Variants in ZFHX3 observed in about 807,000 individuals in gnomAD.
The protein encoded by ZFHX3 is zinc finger homeobox protein 3.
A neutral mutation model predicts 279.1 loss-of-function variants in ZFHX3; 42 were observed. That is an observed-to-expected ratio of 0.15 (90% CI 0.12 to 0.19). The LOEUF is 0.19. Ranked by LOEUF, ZFHX3 falls within the 10% of genes least tolerant of loss-of-function variation. The probability of loss-of-function intolerance (pLI) is 1.00; values close to 1 mark genes in which losing one functional copy is unlikely to be tolerated. For synonymous variants in ZFHX3, 2,293 were observed against 1,957.8 expected (o/e 1.17, Z -4.52); for missense variants, 4,981 against 4,754.0 (o/e 1.05, Z -1.40).
At chr16:72,948,135 C>G (rs1049592814) in intron 3 of ZFHX3, among the ~76,000 whole-genome samples, 7 of 152,176 alleles carry the variant, frequency 4.6e-5, no homozygotes, top group African/African-American at 1.4e-4. Flanking sequence ...CTCCCCGCCC[C>G]CTGTGGCGAA....
chr16:73,675,267 C>T (rs1447495553), intron 2 of ZFHX3, among the ~76,000 whole-genome samples: 1 of 152,104 alleles, frequency 6.6e-6, no homozygotes, highest in East Asian at 1.9e-4. Flanking sequence ...GAGTCACAGC[C>T]CAAGTACCCT....
chr16:73,114,994 A>G (rs1279729779), intron 7 of ZFHX3, among the ~76,000 whole-genome samples: 3 of 151,800 alleles, frequency 2.0e-5, no homozygotes, highest in Admixed American at 6.6e-5. Flanking sequence ...AGGCCCTTCT[A>G]TAGCGATTCC....
rs886531072 is a variant in ZFHX3, at chr16:73,022,873, AT to A, written c.-50+24878del. Among the ~76,000 whole-genome samples, 564 of 149,672 alleles carry A rather than the reference AT, an allele frequency of 3.8e-3. 3 individuals carry two copies. The highest frequency in any genetic ancestry group is 0.013 in the African/African-American group (526 of 40,846). On this transcript the variant is annotated intron_variant, in intron 1 of 9. Coordinates refer to ENST00000268489, the MANE Select transcript of ZFHX3 (RefSeq NM_006885.4). ...AGACCCAAAATGGCCAAATCCCCCG[AT>A]TTTTTTTTTCAAGAGAAGGTTTTAA...
At chr16:73,881,479 TGCCCCCCCCCCCCA>T (rs1567438898) in intron 1 of ZFHX3, among the ~76,000 whole-genome samples, 13 of 21,520 alleles carry the variant, frequency 6.0e-4, no homozygotes, top group African/African-American at 1.5e-3. Flanking sequence ...TCTCTCTCTC[TGCCCCCCCCCCCCA>T]CTCTGCCCAT....
intron 2 of ZFHX3, among the ~76,000 whole-genome samples, chr16:73,672,853 C>G (rs1411909368): frequency 6.6e-6 from 1 of 151,936 alleles, no homozygotes; most frequent in East Asian, 1.9e-4. Flanking sequence ...GAACTATACC[C>G]AAATATTCAA....
Position 72,794,491 on chromosome 16 carries a change from G to A in ZFHX3, c.8191C>T (p.Arg2731Trp), listed in dbSNP as rs752003949. The A allele has an allele frequency of 4.0e-5, 64 of 1,614,096 alleles. 1 individual carries two copies. The highest frequency in any genetic ancestry group is 3.5e-4 in the South Asian group (32 of 91,088). The change falls in exon 9 of 10, where the codon CGG becomes TGG. Residue 2731 changes from arginine to tryptophan, a missense_variant. By Grantham distance (101) the Arg-to-Trp change is moderately radical (BLOSUM62 -3). Around this residue, in one of 7 missense-constraint regions of ZFHX3, gnomAD observed 744 missense variants for 701.3 expected, o/e 1.06. Transcript: ENST00000268489. This position sits in a 1 kb window ranked among gnomAD's most constrained non-coding sequence, Gnocchi z 4.2. The stretch of plus-strand genomic sequence containing the variant: ...TTGGCTTCATGCCAGTGACGGGACC[G>A]GATATGAGCCTCAAGAGCAGTCTTG... The part of the protein sequence containing the change: ...KAKTALEAHI[R>W]SRHWHEAKRA...
intron 1 of ZFHX3, among the ~76,000 whole-genome samples, chr16:73,019,156 A>G (rs1304573343): frequency 6.6e-6 from 1 of 152,224 alleles, no homozygotes; most frequent in Non-Finnish European, 1.5e-5. Flanking sequence ...AGCTATCACT[A>G]CGAGGCAAGG....
intron 2 of ZFHX3, among the ~76,000 whole-genome samples, chr16:73,626,492 A>G (rs1477675266): frequency 6.6e-6 from 1 of 152,158 alleles, no homozygotes; most frequent in African/African-American, 2.4e-5. Flanking sequence ...GAAAAAACTT[A>G]CAAAGGTATG....
intron 3 of ZFHX3, among the ~76,000 whole-genome samples, chr16:72,922,621 T>C (rs2144246230): frequency 6.6e-6 from 1 of 152,270 alleles, no homozygotes; most frequent in Admixed American, 6.5e-5. Context: ...TGGCCAAACC[T>C]ACCTACAGCC....
intron 7 of ZFHX3, among the ~76,000 whole-genome samples, chr16:72,806,567 A>G (rs1367640977): frequency 6.6e-6 from 1 of 152,188 alleles, no homozygotes; most frequent in Non-Finnish European, 1.5e-5. Context: ...CTTAAGATAC[A>G]GGCAAAGTGA....
At chr16:73,208,123 C>CA (rs2144907097) in intron 5 of ZFHX3, among the ~76,000 whole-genome samples, 1 of 152,138 alleles carries the variant, frequency 6.6e-6, no homozygotes, top group South Asian at 2.1e-4. Flanking sequence ...AAACAACACA[C>CA]AAAAAGCCTC....
At chr16:73,545,990 G>C (rs2020102056) in intron 2 of ZFHX3, among the ~76,000 whole-genome samples, 2 of 152,124 alleles carry the variant, frequency 1.3e-5, no homozygotes, top group South Asian at 4.2e-4. Context: ...CTTTTCAAAA[G>C]AACATCCCCA....
In ZFHX3 at chr16:73,851,927, C is replaced by T. The variant is rs59567939; in HGVS notation, c.-1608+39724G>A. Among the ~76,000 whole-genome samples the T allele has an allele frequency of 6.5e-3, 995 of 152,236 alleles. 14 individuals carry two copies. The highest frequency in any genetic ancestry group is 0.023 in the African/African-American group (960 of 41,536). On this transcript the variant is annotated intron_variant, in intron 1 of 17. Transcript: ENST00000641206. Reference sequence around the variant, plus strand: ...GATAGGGGAGGTAGGGCATTAATGACATTTAGTGGGCAAGTCCAGGGATGC... The same window carrying T: ...GATAGGGGAGGTAGGGCATTAATGATATTTAGTGGGCAAGTCCAGGGATGC...
intron 3 of ZFHX3, among the ~76,000 whole-genome samples, chr16:73,388,642 T>C (rs1394159141): frequency 6.6e-6 from 1 of 152,126 alleles, no homozygotes; most frequent in East Asian, 1.9e-4. Flanking sequence ...CCCTGCTAGC[T>C]CCTTTCCTCC....
At chr16:73,536,028 C>T (rs893164527) in intron 2 of ZFHX3, among the ~76,000 whole-genome samples, 2 of 152,138 alleles carry the variant, frequency 1.3e-5, no homozygotes, top group East Asian at 1.9e-4. Flanking sequence ...GGCCAAGCCC[C>T]CCATCTTTAA....
chr16:73,618,798 G>T (rs952609981), intron 2 of ZFHX3, among the ~76,000 whole-genome samples: 1 of 152,136 alleles, frequency 6.6e-6, no homozygotes, highest in Admixed American at 6.5e-5. Context: ...TAGATCTTTG[G>T]TACCAATTGA....
At chr16:73,347,184 C>T (rs1359033045) in intron 3 of ZFHX3, among the ~76,000 whole-genome samples, 1 of 152,242 alleles carries the variant, frequency 6.6e-6, no homozygotes, top group African/African-American at 2.4e-5. Flanking sequence ...CAATTCATGT[C>T]ATCCCAAACA....
chr16:73,103,289 C>T (rs76637612), intron 7 of ZFHX3, among the ~76,000 whole-genome samples: 16 of 152,214 alleles, frequency 1.1e-4, no homozygotes, highest in Non-Finnish European at 2.1e-4. Context: ...AATCCTGGGC[C>T]GTGAGTATCT....
intron 2 of ZFHX3, among the ~76,000 whole-genome samples, chr16:73,551,306 T>C (rs2020200996): frequency 6.6e-6 from 1 of 151,972 alleles, no homozygotes. Context: ...CCTCCCTTCT[T>C]CAAACAATAC....
Sources: gnomAD v4.1 joint callset for allele counts (sites outside exome capture counted in the v4.1 genomes callset) on GRCh38, gnomAD v4.1.1 for gene constraint, gnomAD v4.1.1 regional missense constraint, Gnocchi (gnomAD v3.1) non-coding constraint, MANE v1.5 for transcripts, NCBI Gene and HGNC (gene_info 2026-07-23, HGNC 2026-07-21) for gene names.